TG: variants seen among roughly 807,000 people sequenced by gnomAD.
TG encodes the protein thyroglobulin.
TG carries 270 observed loss-of-function variants against 324.7 expected under a neutral mutation model. That is an observed-to-expected ratio of 0.83 (90% CI 0.75 to 0.92). TG has a LOEUF of 0.92. TG is among the 40% of genes least tolerant of loss of function. The probability of loss-of-function intolerance (pLI) is 0.00; values close to 1 mark genes in which losing one functional copy is unlikely to be tolerated. For synonymous variants in TG, 1,401 were observed against 1,327.0 expected (o/e 1.06, Z -1.21); for missense variants, 3,591 against 3,456.4 (o/e 1.04, Z -0.98).
intron 34 of TG, among the ~76,000 whole-genome samples, chr8:132,974,762 T>A (rs1829990374): frequency 6.6e-6 from 1 of 152,232 alleles, no homozygotes; most frequent in South Asian, 2.1e-4. Context: ...TGGTGCCTTG[T>A]TCCATAGCCA....
At chr8:133,113,003 A>G (rs1850389005) in intron 43 of TG, among the ~76,000 whole-genome samples, 1 of 152,216 alleles carries the variant, frequency 6.6e-6, no homozygotes, top group South Asian at 2.1e-4. Flanking sequence ...AACTGAATTT[A>G]GCTCTCCTAA....
chr8:132,973,280 T>C (rs1829774968), intron 34 of TG, among the ~76,000 whole-genome samples: 1 of 152,146 alleles, frequency 6.6e-6, no homozygotes. Flanking sequence ...ACCTTGACAA[T>C]CAAGACAATG....
intron 41 of TG, chr8:133,040,047 A>T: frequency 6.4e-7 from 1 of 1,552,868 alleles, no homozygotes; most frequent in Non-Finnish European, 8.7e-7. Flanking sequence ...GTGACAGGTG[A>T]GCTGGAGGCC....
chr8:133,036,147 C>T (rs1344534265), intron 41 of TG, among the ~76,000 whole-genome samples: 5 of 152,218 alleles, frequency 3.3e-5, no homozygotes, highest in Non-Finnish European at 7.3e-5. Flanking sequence ...GTTTGCTGCT[C>T]ATCTTTCAGG....
intron 41 of TG, among the ~76,000 whole-genome samples, chr8:133,073,714 TAAAGTCAAGG>T (rs1049048654): frequency 3.9e-5 from 6 of 152,114 alleles, no homozygotes; most frequent in African/African-American, 1.4e-4. Flanking sequence ...CATTTTTTCC[TAAAGTCAAGG>T]GCACCACTTT....
intron 35 of TG, chr8:132,994,896 CT>C: frequency 8.4e-7 from 1 of 1,192,278 alleles, no homozygotes; most frequent in Non-Finnish European, 1.1e-6. Flanking sequence ...AGGTAATGAG[CT>C]CCCTGTCACT....
Position 133,017,810 on chromosome 8 carries a change from C to T in TG, c.6595C>T (p.Pro2199Ser), listed in dbSNP as rs1163117568. 1 of 1,614,104 alleles carries T rather than the reference C, an allele frequency of 6.2e-7. No homozygotes were observed. Among genetic ancestry groups the T allele is most frequent in the Non-Finnish European group, 8.5e-7 (1 of 1,180,046 alleles). Reference sequence around the variant, plus strand: ...TCTGCTCAGCTATGAGGCATCTGTACCTTCTGTGCCCATTTCCACCCATGG... The same window carrying T: ...TCTGCTCAGCTATGAGGCATCTGTATCTTCTGTGCCCATTTCCACCCATGG... Reference protein sequence around the residue: ...ISLLSYEASVPSVPISTHGRL... With the variant: ...ISLLSYEASVSSVPISTHGRL... The change falls in exon 38 of 48, where the codon CCT (proline) becomes TCT (serine). Residue 2199 changes from proline to serine, a missense_variant. Physicochemically the swap from Pro to Ser is moderately conservative, Grantham distance 74 (BLOSUM62 -1). Coordinates refer to ENST00000220616, the MANE Select transcript of TG (RefSeq NM_003235.5).
rs764500807 is a variant in TG at position 132,868,179 on chromosome 8, G to A, written c.132G>A (p.Lys44=). 6.8e-6 allele frequency: 11 copies of A among 1,614,020 alleles called. No individual in the cohort carries two copies. The highest frequency in any genetic ancestry group is 6.7e-5 in the Admixed American group (4 of 60,002). The change falls in exon 2 of 48, where the codon AAG becomes AAA. Residue 44 remains lysine (K), a synonymous_variant. Transcript: ENST00000220616. Reference sequence around the variant, plus strand: ...TGCAGAGGGAAACGGCCTTTCTGAAGCAAGCAGACTACGTGCCCCAGTGTG... The same window carrying A: ...TGCAGAGGGAAACGGCCTTTCTGAAACAAGCAGACTACGTGCCCCAGTGTG... ...CELQRETAFL[K]QADYVPQCAE...
intron 34 of TG, among the ~76,000 whole-genome samples, chr8:132,976,264 T>C (rs917433628): frequency 8.5e-5 from 13 of 152,094 alleles, no homozygotes; most frequent in African/African-American, 3.1e-4. Context: ...GAGTCAAATA[T>C]CAAGGAGCCA....
intron 41 of TG, chr8:133,048,024 A>G: frequency 1.4e-6 from 1 of 692,696 alleles, no homozygotes; most frequent in South Asian, 1.7e-5. Context: ...AAGCACCTGA[A>G]ACCTAATCCT....
intron 27 of TG, among the ~76,000 whole-genome samples, chr8:132,952,564 G>T (rs80004973): frequency 6.6e-6 from 1 of 152,114 alleles, no homozygotes; most frequent in East Asian, 1.9e-4. Flanking sequence ...TCAATTCACG[G>T]GTACTATCAG....
intron 16 of TG, among the ~76,000 whole-genome samples, chr8:132,905,470 A>G (rs1295780619): frequency 6.6e-6 from 1 of 152,228 alleles, no homozygotes; most frequent in African/African-American, 2.4e-5. Flanking sequence ...GAATACCCTC[A>G]TATTCCTTAC....
chr8:132,872,477 C>CAAAAA (rs11359047), intron 4 of TG, among the ~76,000 whole-genome samples: 2 of 73,138 alleles, frequency 2.7e-5, no homozygotes. Flanking sequence ...GACTCCGTCT[C>CAAAAA]AAAAAAAAAA....
chr8:132,913,734 A>G (rs1819874920), intron 20 of TG, among the ~76,000 whole-genome samples: 1 of 152,210 alleles, frequency 6.6e-6, no homozygotes, highest in African/African-American at 2.4e-5. Context: ...TTAATGGGAA[A>G]GTGATGCAGA....
At chr8:132,918,565 T>A (rs1199191707) in intron 20 of TG, among the ~76,000 whole-genome samples, 2 of 152,176 alleles carry the variant, frequency 1.3e-5, no homozygotes, top group Admixed American at 6.5e-5. Context: ...TAAATCAACA[T>A]TGGCTCCATC....
chr8:133,061,113 C>T (rs1474474484), intron 41 of TG, among the ~76,000 whole-genome samples: 6 of 152,306 alleles, frequency 3.9e-5, no homozygotes, highest in Non-Finnish European at 5.9e-5. Flanking sequence ...CGGGTTCAAG[C>T]GATTCTCCTG....
At chr8:133,128,347 A>G (rs1311305789) in intron 45 of TG, among the ~76,000 whole-genome samples, 8 of 133,852 alleles carry the variant, frequency 6.0e-5, no homozygotes, top group African/African-American at 2.5e-4. Flanking sequence ...GCACACACAC[A>G]CACACACACA....
In TG at chr8:132,961,054, G is replaced by T. The variant is rs914114710; in HGVS notation, c.5448G>T (p.Gln1816His). Residue 1816 changes from glutamine (Q) to histidine (H), a missense_variant, in exon 28 of 48, where the codon CAG becomes CAT. Gln to His is a conservative substitution (Grantham distance 24). Transcript: ENST00000220616. ...EGTQDTFTNF[Q>H]QVYLWKDSDM... is the part of the protein sequence containing the mutation. ...CTCAAGACACCTTTACCAATTTTCAGCAGGTTTATCTCTGGAAAGGTGAGC... is the reference window on the plus strand; with the variant it reads ...CTCAAGACACCTTTACCAATTTTCATCAGGTTTATCTCTGGAAAGGTGAGC... 4 of 1,614,062 alleles carry T rather than the reference G, an allele frequency of 2.5e-6. No individual in the cohort carries two copies. The Admixed American group carries it at 5.0e-5, about 20-fold the overall frequency.
At chr8:133,056,364 T>A (rs370924139) in intron 41 of TG, among the ~76,000 whole-genome samples, 27 of 152,212 alleles carry the variant, frequency 1.8e-4, no homozygotes, top group African/African-American at 6.3e-4. Context: ...GTCCAAGATT[T>A]GACACGGATT....
Sources: allele counts gnomAD v4.1 joint callset (sites outside exome capture counted in the v4.1 genomes callset), GRCh38; gene constraint gnomAD v4.1.1; transcripts MANE v1.5; gene names NCBI Gene and HGNC (gene_info 2026-07-23, HGNC 2026-07-21).